The following SH2B3 variants were observed in gnomAD, a reference collection of about 807,000 sequenced individuals.
The protein encoded by SH2B3 is SH2B adaptor protein 3.
A neutral mutation model predicts 51.9 loss-of-function variants in SH2B3; 43 were observed. The ratio of observed to expected loss-of-function variants is 0.83; its 90% CI spans 0.65 to 1.07. The LOEUF is 1.07. Ranked by LOEUF, SH2B3 falls within the 50% of genes least tolerant of loss-of-function variation. The pLI is 0.00. For synonymous variants in SH2B3, 396 were observed against 376.0 expected, an observed-to-expected ratio of 1.05 and a Z score of -0.62; for missense variants, 952 against 834.3, an observed-to-expected ratio of 1.14 and a Z score of -1.74.
intron 7 of SH2B3, 49 bp from the exon 8 acceptor site, chr12:111,447,934 C>T: frequency 6.5e-7 from 1 of 1,549,698 alleles, no homozygotes; most frequent in Non-Finnish European, 8.8e-7. Flanking sequence ...GTCCTGTCAG[C>T]ACTTGCCTCA....
chr12:111,443,098 G>A (rs568566789), intron 2 of SH2B3, among the ~76,000 whole-genome samples: 3 of 152,352 alleles, frequency 2.0e-5, no homozygotes, highest in Non-Finnish European at 4.4e-5. Flanking sequence ...CAGTTTCCAG[G>A]TAACAGCATG....
chr12:111,424,449 TG>T (rs750017897), intron 2 of SH2B3, among the ~76,000 whole-genome samples: 3 of 152,160 alleles, frequency 2.0e-5, no homozygotes, highest in Admixed American at 6.6e-5. Flanking sequence ...CAGTGCTTGC[TG>T]GGCCCTCAGG....
At chr12:111,419,797 C>T (rs1463947629) in intron 2 of SH2B3, among the ~76,000 whole-genome samples, 2 of 152,204 alleles carry the variant, frequency 1.3e-5, no homozygotes, top group East Asian at 3.8e-4. Flanking sequence ...AGCTAAACGC[C>T]ACTGTTCCTT....
rs145791730 is a variant in SH2B3 at position 111,417,624 on chromosome 12, G to A, written c.-27-495G>A. On this transcript the variant is annotated intron_variant, in intron 1 of 7. Transcript: ENST00000341259. ...CGTGCTGCAATGCCAACTCATTTTT[G>A]TGTTGGTTTTTTTGGAGAGATGGGC... 1.3e-4 allele frequency among the ~76,000 whole-genome samples: 20 copies of A among 152,050 alleles called. No individual in the cohort carries two copies. The East Asian group carries it at 3.3e-3, about 25-fold the overall frequency.
At position 111,418,130 on chromosome 12, in the gene SH2B3, C is replaced by G; in HGVS notation, c.-16C>G. The G allele has an allele frequency of 6.7e-7, 1 of 1,484,962 alleles. No homozygotes were observed. The highest frequency in any genetic ancestry group is 8.8e-7 in the Non-Finnish European group (1 of 1,130,272). The allele number at this position is 1,484,962 out of a possible 1,614,324, so 92.0% of individuals were successfully genotyped here. On this transcript the variant is annotated 5_prime_UTR_variant, in exon 2 of 8. Coordinates refer to ENST00000341259, the MANE Select transcript of SH2B3 (RefSeq NM_005475.3). The surrounding 1 kb of genome is among the most constrained non-coding windows in gnomAD (Gnocchi z 6.7). ...CACGTGTCTTTCAGCCCGGCCGCACCACCTGGGTCTCCGCCATGAACGGGC... is the reference window on the plus strand; with the variant it reads ...CACGTGTCTTTCAGCCCGGCCGCACGACCTGGGTCTCCGCCATGAACGGGC...
intron 1 of SH2B3, among the ~76,000 whole-genome samples, chr12:111,411,471 T>TC (rs1387383914): frequency 6.6e-6 from 1 of 152,132 alleles, no homozygotes; most frequent in African/African-American, 2.4e-5. Flanking sequence ...CCTCCCGAAT[T>TC]ATACTATTAT....
Position 111,429,047 on chromosome 12 carries a change from AAGAG to A in SH2B3, c.732+10171_732+10174del, listed in dbSNP as rs1593052004. Among the ~76,000 whole-genome samples the A allele has an allele frequency of 6.8e-5, 10 of 146,128 alleles. No homozygotes were observed. In the South Asian group the frequency reaches 8.6e-4, roughly 13 times the overall value. ...GAGGAGGAGGAGGAGGAGGAGGAGG[AAGAG>A]GAGGAGGAGGAGGAGGAGGGACGGC... On this transcript the variant is annotated intron_variant, in intron 2 of 7. Transcript: ENST00000341259. This position sits in a 1 kb window ranked among gnomAD's most constrained non-coding sequence, Gnocchi z 4.4.
At chr12:111,415,613 T>C (rs1468815788) in intron 1 of SH2B3, among the ~76,000 whole-genome samples, 3 of 150,128 alleles carry the variant, frequency 2.0e-5, no homozygotes, top group African/African-American at 7.5e-5. Flanking sequence ...TGTTTTTGTG[T>C]GTGTGATTTT....
In SH2B3 at chr12:111,418,463, AGGCCCC is replaced by A; in HGVS notation, c.326_331del (p.Gly109_Pro110del). 1 of 1,374,854 alleles carries A rather than the reference AGGCCCC, an allele frequency of 7.3e-7. No homozygotes were observed. The highest frequency in any genetic ancestry group is 9.3e-7 in the Non-Finnish European group (1 of 1,070,622). 85.2% of individuals were successfully genotyped at this position (1,374,854 alleles called of 1,614,324 possible). ...CCAAGGCCGAGGCGTCCCCGGAGCC[AGGCCCC>A]GGCCCCGCCGCCCCTGGCCTGCCCA... On this transcript the variant is annotated inframe_deletion, in exon 2 of 8. Transcript: ENST00000341259. The surrounding 1 kb of genome is among the most constrained non-coding windows in gnomAD (Gnocchi z 6.7).
intron 2 of SH2B3, among the ~76,000 whole-genome samples, chr12:111,440,130 G>A (rs7301140): frequency 0.1 from 15,744 of 152,176 alleles, 2,719 homozygotes; most frequent in African/African-American, 0.36. Context: ...ATGTTAAAAT[G>A]CAGATTCCAA....
At chr12:111,441,006 T>C (rs1325791287) in intron 2 of SH2B3, among the ~76,000 whole-genome samples, 1 of 152,130 alleles carries the variant, frequency 6.6e-6, no homozygotes, top group African/African-American at 2.4e-5. Context: ...CCTTAGAAAA[T>C]GCAGACTCTT....
rs1355115900 is a variant in SH2B3, at chr12:111,447,207, T to G, written c.1009T>G (p.Ser337Ala). The G allele has an allele frequency of 7.4e-6, 12 of 1,612,920 alleles. No homozygotes were observed. The highest frequency in any genetic ancestry group is 1.0e-5 in the Non-Finnish European group (12 of 1,179,056). The change falls in exon 5 of 8, where the codon TCC becomes GCC. Residue 337 changes from serine (S) to alanine (A), a missense_variant. Physicochemically the swap from Ser to Ala is moderately conservative, Grantham distance 99 (BLOSUM62 1). Coordinates refer to ENST00000341259, the MANE Select transcript of SH2B3 (RefSeq NM_005475.3). Reference protein sequence around the residue: ...TSSSPRGSTDSLNQGASPGGL... With the variant: ...TSSSPRGSTDALNQGASPGGL... ...CAGCTCCCCAAGGGGCAGCACAGAT[T>G]CCCTTAACCAAGGTGGGTAAACCAA...
In SH2B3 at chr12:111,409,896, C is replaced by T. The variant is rs112452190; in HGVS notation, c.-28+3619C>T. On this transcript the variant is annotated intron_variant, in intron 1 of 7. Transcript: ENST00000341259. The surrounding 1 kb of genome is among the most constrained non-coding windows in gnomAD (Gnocchi z 4.0). ...GGAACAGGTCCTCCTGGTGCCCCCCCACTCCCCGCCCCAGCCGGAAACCCG... is the reference window on the plus strand; with the variant it reads ...GGAACAGGTCCTCCTGGTGCCCCCCTACTCCCCGCCCCAGCCGGAAACCCG... Among the ~76,000 whole-genome samples, 5 of 152,212 alleles carry T rather than the reference C, an allele frequency of 3.3e-5. No individual in the cohort carries two copies. Among genetic ancestry groups the T allele is most frequent in the Non-Finnish European group, 5.9e-5 (4 of 68,034 alleles).
rs574494148 is a variant in SH2B3, at chr12:111,409,283, G to C, written c.-28+3006G>C. Reference sequence around the variant, plus strand: ...GAAATAGGGGGGTTGCCAACTCCCTGTTAGGGTGGTTTTGAGAAAAGGAGG... The same window carrying C: ...GAAATAGGGGGGTTGCCAACTCCCTCTTAGGGTGGTTTTGAGAAAAGGAGG... On this transcript the variant is annotated intron_variant, in intron 1 of 7. Coordinates refer to ENST00000341259, the MANE Select transcript of SH2B3 (RefSeq NM_005475.3). The surrounding 1 kb of genome is among the most constrained non-coding windows in gnomAD (Gnocchi z 4.0). Among the ~76,000 whole-genome samples, 4 of 152,322 alleles carry C rather than the reference G, an allele frequency of 2.6e-5. No individual in the cohort carries two copies. Among genetic ancestry groups the C allele is most frequent in the Admixed American group, 2.6e-4 (4 of 15,302 alleles).
At position 111,418,279 on chromosome 12, in the gene SH2B3, A is replaced by G. The variant is rs1871237807; in HGVS notation, c.134A>G (p.Tyr45Cys). 4 of 1,539,608 alleles carry G rather than the reference A, an allele frequency of 2.6e-6. No individual in the cohort carries two copies. The highest frequency in any genetic ancestry group is 3.5e-6 in the Non-Finnish European group (4 of 1,149,992). ...GCGGCCCGGGAGCTGGCCCGCCAGT[A>G]CTGGCTGTTCGCCCGGGAGCATCCG... is the stretch of plus-strand genomic sequence containing the variant. ...VAAARELARQYWLFAREHPQH... is the reference protein window; with the variant it reads ...VAAARELARQCWLFAREHPQH... Residue 45 changes from tyrosine to cysteine, a missense_variant, in exon 2 of 8, where the codon TAC (tyrosine) becomes TGC (cysteine). Physicochemically the swap from Tyr to Cys is radical, Grantham distance 194. Transcript: ENST00000341259. This position sits in a 1 kb window ranked among gnomAD's most constrained non-coding sequence, Gnocchi z 6.7.
Position 111,418,326 on chromosome 12 carries a change from G to A in SH2B3, c.181G>A (p.Glu61Lys), listed in dbSNP as rs765237130. The change falls in exon 2 of 8, where the codon GAG becomes AAG. Residue 61 changes from glutamate to lysine, a missense_variant. Physicochemically the swap from Glu to Lys is moderately conservative, Grantham distance 56 (BLOSUM62 1). Transcript: ENST00000341259. The surrounding 1 kb of genome is among the most constrained non-coding windows in gnomAD (Gnocchi z 6.7). ...EHPQHAPLRA[E>K]LVSLQFTDLF... ...TCCGCAGCACGCGCCGCTGCGCGCC[G>A]AGCTGGTGTCGCTGCAGTTCACCGA... 50 of 1,525,942 alleles carry A rather than the reference G, an allele frequency of 3.3e-5. No homozygotes were observed. Among genetic ancestry groups the A allele is most frequent in the African/African-American group, 4.2e-5 (3 of 71,390 alleles). 94.5% of individuals were successfully genotyped at this position (1,525,942 alleles called of 1,614,324 possible). A position where few individuals can be genotyped will look rare whatever the true frequency, so the allele number is the denominator to read the frequency against.
At chr12:111,420,649 C>A (rs184263317) in intron 2 of SH2B3, among the ~76,000 whole-genome samples, 11 of 152,324 alleles carry the variant, frequency 7.2e-5, no homozygotes, top group Admixed American at 7.2e-4. Context: ...CTCTTTCATT[C>A]ATTCGACAGA....
rs1354719105 is a variant in SH2B3 at position 111,418,559 on chromosome 12, T to TCGCCGCAGCCTCCGCCACATCTTC, written c.421_444dup (p.Ser141_Arg148dup). ...CCGGGCCCTGCTCCTTCCAGCACTTTCGCCGCAGCCTCCGCCACATCTTCC... is the reference window on the plus strand; with the variant it reads ...CCGGGCCCTGCTCCTTCCAGCACTTTCGCCGCAGCCTCCGCCACATCTTCCGCCGCAGCCTCCGCCACATCTTCC... On this transcript the variant is annotated inframe_insertion, in exon 2 of 8. Transcript: ENST00000341259. This position sits in a 1 kb window ranked among gnomAD's most constrained non-coding sequence, Gnocchi z 6.7. 2 of 1,470,458 alleles carry TCGCCGCAGCCTCCGCCACATCTTC rather than the reference T, an allele frequency of 1.4e-6. No individual in the cohort carries two copies. Among genetic ancestry groups the TCGCCGCAGCCTCCGCCACATCTTC allele is most frequent in the Admixed American group, 2.2e-5 (1 of 44,668 alleles). 91.1% of individuals were successfully genotyped at this position (1,470,458 alleles called of 1,614,324 possible).
chr12:111,435,540 G>T lies in SH2B3; in HGVS notation c.733-11213G>T, dbSNP rs1164805793. ...CGCCTGGCTAATTTTTGAATTTTTA[G>T]TAGAGGCAGGGTTTCACCATGTTGG... On this transcript the variant is annotated intron_variant, in intron 2 of 7. Transcript: ENST00000341259. The surrounding 1 kb of genome is among the most constrained non-coding windows in gnomAD (Gnocchi z 4.8). Among the ~76,000 whole-genome samples the T allele has an allele frequency of 6.6e-6, 1 of 152,294 alleles. No homozygotes were observed. Among genetic ancestry groups the T allele is most frequent in the Admixed American group, 6.5e-5 (1 of 15,296 alleles).
Sources: gnomAD v4.1 joint callset for allele counts (sites outside exome capture counted in the v4.1 genomes callset) on GRCh38, gnomAD v4.1.1 for gene constraint, Gnocchi (gnomAD v3.1) non-coding constraint, MANE v1.5 for transcripts, NCBI Gene and HGNC (gene_info 2026-07-23, HGNC 2026-07-21) for gene names.